Variants in WWC1 observed in about 807,000 individuals in gnomAD.
WWC1 encodes the protein WW and C2 domain containing 1.
In WWC1, 55 loss-of-function variants were observed where a neutral mutation model predicts 138.4. The observed-to-expected ratio is 0.40, with a 90% CI of 0.32 to 0.50. The LOEUF (loss-of-function observed/expected upper bound fraction) is 0.50, where lower values mean the gene tolerates loss of function less well. Ranked by LOEUF, WWC1 falls within the 20% of genes least tolerant of loss-of-function variation. WWC1 has a pLI of 0.72. For missense variants in WWC1, 1,226 were observed against 1,420.4 expected, an observed-to-expected ratio of 0.86 and a Z score of 2.20; for synonymous variants, 524 against 564.9, an observed-to-expected ratio of 0.93 and a Z score of 1.03.
intron 9 of WWC1, among the ~76,000 whole-genome samples, chr5:168,418,876 G>T (rs549171349): frequency 6.6e-6 from 1 of 152,152 alleles, no homozygotes; most frequent in African/African-American, 2.4e-5. Context: ...GTTTATTACG[G>T]GTTCCATCTG....
chr5:168,391,504 A>C (rs1024803829), intron 3 of WWC1, among the ~76,000 whole-genome samples: 3 of 151,716 alleles, frequency 2.0e-5, no homozygotes, highest in African/African-American at 7.3e-5. Context: ...CTAAAAGTAC[A>C]AAAAAGTAGC....
intron 8 of WWC1, chr5:168,410,201 G>T (rs1282856613): frequency 9.1e-6 from 5 of 551,894 alleles, no homozygotes; most frequent in East Asian, 2.9e-5. Context: ...ACAAGACAGA[G>T]AGTGAAACTA....
rs1031575823 is a variant in WWC1, at chr5:168,470,772, G to A, written c.*1755G>A. 1 of 152,030 alleles carries A rather than the reference G, an allele frequency of 6.6e-6. No homozygotes were observed. The highest frequency in any genetic ancestry group is 2.4e-5 in the African/African-American group (1 of 41,340). The allele number at this position is 152,030 out of a possible 1,614,324, so 9.4% of individuals were successfully genotyped here. ...CAGGAGGCGGAGGTTGCGGTGAGCC[G>A]AGATGGCGCCATTGACTCCAGCCTG... On this transcript the variant is annotated 3_prime_UTR_variant, in exon 23 of 23. Coordinates refer to ENST00000265293, the MANE Select transcript of WWC1 (RefSeq NM_015238.3).
intron 1 of WWC1, among the ~76,000 whole-genome samples, chr5:168,311,066 T>G (rs1309428668): frequency 6.6e-6 from 1 of 152,138 alleles, no homozygotes; most frequent in Non-Finnish European, 1.5e-5. Flanking sequence ...GTCCTTGGCT[T>G]CTAGCCTACC....
rs553698233 is a variant in WWC1, at chr5:168,444,598, G to A, written c.2525+13G>A. On this transcript the variant is annotated intron_variant, in intron 17 of 22. Coordinates refer to ENST00000265293, the MANE Select transcript of WWC1 (RefSeq NM_015238.3). ...TGGAAGACAGCTGGTGAGTGAGCCC[G>A]CCCTTGGGCCCCAGGAGCTGCCCTG... 134 of 1,612,876 alleles carry A rather than the reference G, an allele frequency of 8.3e-5. No individual in the cohort carries two copies. Among genetic ancestry groups the A allele is most frequent in the South Asian group, 7.0e-4 (64 of 90,882 alleles).
At chr5:168,418,020 T>A (rs1029056965) in intron 9 of WWC1, among the ~76,000 whole-genome samples, 1 of 152,168 alleles carries the variant, frequency 6.6e-6, no homozygotes, top group African/African-American at 2.4e-5. Context: ...CTCATGTGTG[T>A]GTATCTTTAT....
intron 3 of WWC1, 33 bp from the exon 4 acceptor site, chr5:168,397,691 A>T (rs375324026): frequency 6.2e-7 from 1 of 1,611,674 alleles, no homozygotes; most frequent in African/African-American, 1.3e-5. Flanking sequence ...TGTTTCTTCT[A>T]CTGATATTCT....
chr5:168,357,136 A>G (rs1432675904), intron 1 of WWC1, among the ~76,000 whole-genome samples: 1 of 152,142 alleles, frequency 6.6e-6, no homozygotes, highest in Non-Finnish European at 1.5e-5. Flanking sequence ...TAGAGGGCCT[A>G]GCTGTGAACC....
intron 1 of WWC1, among the ~76,000 whole-genome samples, chr5:168,327,187 T>A (rs1301991244): frequency 2.0e-5 from 3 of 152,234 alleles, no homozygotes; most frequent in Admixed American, 6.5e-5. Context: ...GGTTCTCCAG[T>A]GCTCATAGAA....
intron 1 of WWC1, among the ~76,000 whole-genome samples, chr5:168,311,933 C>T (rs750990423): frequency 6.6e-6 from 1 of 151,318 alleles, no homozygotes; most frequent in Non-Finnish European, 1.5e-5. Context: ...CCTGTAATCC[C>T]AGCTACTCAG....
At chr5:168,386,397 CT>C (rs1005323062) in intron 3 of WWC1, among the ~76,000 whole-genome samples, 1 of 137,534 alleles carries the variant, frequency 7.3e-6, no homozygotes, top group African/African-American at 2.7e-5. Context: ...TTTTCTTTTT[CT>C]TTTTTTTCTT....
rs553427053 is a variant in WWC1, at chr5:168,436,605, A to G, written c.2281-5077A>G. Among the ~76,000 whole-genome samples the G allele has an allele frequency of 2.0e-5, 3 of 152,296 alleles. No homozygotes were observed. In the South Asian group the frequency reaches 6.2e-4, roughly 32 times the overall value. ...ACCTCAAACGAACATGGCCACAAGA[A>G]TGCCCCTGACCTTTCATCCTGTGTC... On this transcript the variant is annotated intron_variant, in intron 15 of 22. Coordinates refer to ENST00000265293, the MANE Select transcript of WWC1 (RefSeq NM_015238.3).
chr5:168,322,847 T>C (rs898867884), intron 1 of WWC1, among the ~76,000 whole-genome samples: 3 of 152,206 alleles, frequency 2.0e-5, no homozygotes, highest in African/African-American at 7.2e-5. Flanking sequence ...CTAACAATGC[T>C]TCAAAACAAT....
chr5:168,342,549 G>A (rs984460378), intron 1 of WWC1, among the ~76,000 whole-genome samples: 8 of 152,178 alleles, frequency 5.3e-5, no homozygotes, highest in African/African-American at 7.2e-5. Flanking sequence ...TGTGGACTTC[G>A]TGGAGGCCCT....
chr5:168,397,934 T>C, intron 4 of WWC1, 134 bp downstream of exon 4: 15 of 877,232 alleles, frequency 1.7e-5, no homozygotes, highest in Non-Finnish European at 2.6e-5. Flanking sequence ...TCCTAAATAA[T>C]AACAGTAGAA....
chr5:168,353,088 A>G (rs995166245), intron 1 of WWC1, among the ~76,000 whole-genome samples: 1 of 152,148 alleles, frequency 6.6e-6, no homozygotes, highest in Non-Finnish European at 1.5e-5. Flanking sequence ...CCGGACCTGC[A>G]TACTCCAAAG....
At chr5:168,451,095 T>A (rs1381009752) in intron 17 of WWC1, among the ~76,000 whole-genome samples, 2 of 137,520 alleles carry the variant, frequency 1.5e-5, no homozygotes, top group African/African-American at 5.1e-5. Flanking sequence ...CTCGGCTCAC[T>A]GCAATCTCCA....
chr5:168,305,759 C>T (rs532837601), intron 1 of WWC1, among the ~76,000 whole-genome samples: 6 of 152,150 alleles, frequency 3.9e-5, no homozygotes, highest in Non-Finnish European at 8.8e-5. Context: ...ATATTAGACT[C>T]GTCAGATCAC....
At chr5:168,362,088 GATAA>G (rs969230208) in intron 1 of WWC1, among the ~76,000 whole-genome samples, 1 of 152,000 alleles carries the variant, frequency 6.6e-6, no homozygotes, top group Admixed American at 6.6e-5. Flanking sequence ...CATCTCAAAA[GATAA>G]ATAAATAAAT....
Sources: allele counts gnomAD v4.1 joint callset (sites outside exome capture counted in the v4.1 genomes callset), GRCh38; gene constraint gnomAD v4.1.1; transcripts MANE v1.5; gene names NCBI Gene and HGNC (gene_info 2026-07-23, HGNC 2026-07-21).